Variants in ADAMTS16 observed in about 807,000 individuals in gnomAD.
ADAMTS16 encodes A disintegrin and metalloproteinase with thrombospondin motifs 16.
ADAMTS16 carries 94 observed loss-of-function variants against 145.8 expected under a neutral mutation model. The ratio of observed to expected loss-of-function variants is 0.64; its 90% CI spans 0.55 to 0.77. The LOEUF (loss-of-function observed/expected upper bound fraction) is 0.77, where lower values mean the gene tolerates loss of function less well. Among genes scored for constraint, ADAMTS16 ranks in the 30% least tolerant of loss-of-function variants. The probability of loss-of-function intolerance (pLI) is 0.00; values close to 1 mark genes in which losing one functional copy is unlikely to be tolerated. For synonymous variants in ADAMTS16, 659 were observed against 604.3 expected (o/e 1.09, Z -1.33); for missense variants, 1,585 against 1,591.5 (o/e 1.00, Z 0.07).
chr5:5,149,416 T>C (rs904626372), intron 3 of ADAMTS16, among the ~76,000 whole-genome samples: 10 of 152,192 alleles, frequency 6.6e-5, no homozygotes, highest in Admixed American at 5.9e-4. Context: ...ATGATGACCA[T>C]GGCAATAGCA....
At chr5:5,153,978 G>A (rs1056502781) in intron 3 of ADAMTS16, among the ~76,000 whole-genome samples, 5 of 151,986 alleles carry the variant, frequency 3.3e-5, no homozygotes, top group Admixed American at 3.3e-4. Flanking sequence ...AATTGTACTG[G>A]GTTTTATTTC....
At chr5:5,270,218 T>A (rs1189408627) in intron 18 of ADAMTS16, among the ~76,000 whole-genome samples, 3 of 152,212 alleles carry the variant, frequency 2.0e-5, no homozygotes, top group African/African-American at 7.2e-5. Flanking sequence ...AGTAAATTTC[T>A]GTCTCACAGG....
intron 18 of ADAMTS16, among the ~76,000 whole-genome samples, chr5:5,283,084 A>C (rs1738981444): frequency 6.6e-6 from 1 of 152,122 alleles, no homozygotes; most frequent in Non-Finnish European, 1.5e-5. Flanking sequence ...AATACTGATA[A>C]TTTTGGCTTC....
At chr5:5,231,105 T>G (rs2913620) in intron 11 of ADAMTS16, among the ~76,000 whole-genome samples, 113,925 of 152,096 alleles carry the variant, frequency 0.75, 43,038 homozygotes, top group African/African-American at 0.85. Context: ...ACCTGTAGGA[T>G]GCTGTCCAAG....
At chr5:5,249,697 C>T (rs1737562742) in intron 17 of ADAMTS16, among the ~76,000 whole-genome samples, 1 of 152,198 alleles carries the variant, frequency 6.6e-6, no homozygotes, top group Non-Finnish European at 1.5e-5. Flanking sequence ...ACAATCAGTG[C>T]TCTTTTAGCA....
chr5:5,305,165 A>C (rs1163700008), intron 20 of ADAMTS16, among the ~76,000 whole-genome samples: 1 of 31,174 alleles, frequency 3.2e-5, no homozygotes, highest in African/African-American at 1.2e-4. Context: ...ACACACACAT[A>C]TCCCACACCA....
At chr5:5,235,748 T>A (rs978845017) in intron 13 of ADAMTS16, among the ~76,000 whole-genome samples, 4 of 152,202 alleles carry the variant, frequency 2.6e-5, no homozygotes, top group African/African-American at 9.7e-5. Context: ...TTAAAGTCAG[T>A]AGCTCAAGTG....
At chr5:5,249,461 C>T (rs1737555067) in intron 17 of ADAMTS16, among the ~76,000 whole-genome samples, 1 of 152,022 alleles carries the variant, frequency 6.6e-6, no homozygotes, top group African/African-American at 2.4e-5. Flanking sequence ...GGGGGTGACT[C>T]GTTTACTCAG....
chr5:5,260,756 T>A (rs1341436961), intron 17 of ADAMTS16, among the ~76,000 whole-genome samples: 1 of 152,210 alleles, frequency 6.6e-6, no homozygotes, highest in Non-Finnish European at 1.5e-5. Context: ...AGGGCCCCAC[T>A]CCTTTTGACT....
chr5:5,164,634 T>C (rs1734820693), intron 3 of ADAMTS16, among the ~76,000 whole-genome samples: 1 of 152,176 alleles, frequency 6.6e-6, no homozygotes. Context: ...CACCGTGTCC[T>C]GGTCACCCTC....
Position 5,318,297 on chromosome 5 carries a change from C to A in ADAMTS16, c.3559+16C>A. ...GAGAAGAAAGGTGAGTACATGGGGC[C>A]CCTCAGCATGACCTGGGCATGGGGC... On this transcript the variant is annotated intron_variant, in intron 22 of 22. Transcript: ENST00000274181. 7.0e-7 allele frequency: 1 copy of A among 1,422,894 alleles called. No homozygotes were observed. The highest frequency in any genetic ancestry group is 9.3e-7 in the Non-Finnish European group (1 of 1,075,120). 88.1% of individuals were successfully genotyped at this position (1,422,894 alleles called of 1,614,324 possible).
chr5:5,319,177 G>A lies in ADAMTS16; in HGVS notation c.*39G>A. 6.8e-7 allele frequency: 1 copy of A among 1,470,886 alleles called. No homozygotes were observed. The allele number at this position is 1,470,886 out of a possible 1,614,324, so 91.1% of individuals were successfully genotyped here. On this transcript the variant is annotated 3_prime_UTR_variant, in exon 23 of 23. Coordinates refer to ENST00000274181, the MANE Select transcript of ADAMTS16 (RefSeq NM_139056.4). ...TCCGTAGCAGAGAAAGTGCCTGCGT[G>A]GCACAGAAATTTCCCACAAATGAGC...
intron 11 of ADAMTS16, among the ~76,000 whole-genome samples, chr5:5,227,568 TC>T (rs1736806558): frequency 1.3e-5 from 2 of 151,666 alleles, no homozygotes; most frequent in Admixed American, 6.6e-5. Context: ...CACTTATATT[TC>T]CCCCAACCTC....
chr5:5,192,953 A>G (rs183098366), intron 8 of ADAMTS16, among the ~76,000 whole-genome samples: 4 of 152,340 alleles, frequency 2.6e-5, no homozygotes, highest in Non-Finnish European at 2.9e-5. Context: ...CTATGCTGCA[A>G]CAATACTTGA....
At chr5:5,224,376 G>A (rs1318132183) in intron 11 of ADAMTS16, among the ~76,000 whole-genome samples, 1 of 151,984 alleles carries the variant, frequency 6.6e-6, no homozygotes, top group Non-Finnish European at 1.5e-5. Context: ...TGCAACCTCC[G>A]CCTCCCAGGT....
At chr5:5,254,247 T>A (rs1335451698) in intron 17 of ADAMTS16, among the ~76,000 whole-genome samples, 5 of 152,190 alleles carry the variant, frequency 3.3e-5, no homozygotes, top group African/African-American at 1.2e-4. Flanking sequence ...AGTTATCAGA[T>A]CCATCTTAAC....
chr5:5,155,250 G>A (rs1366585829), intron 3 of ADAMTS16, among the ~76,000 whole-genome samples: 1 of 151,896 alleles, frequency 6.6e-6, no homozygotes, highest in Non-Finnish European at 1.5e-5. Context: ...GAACAGATAG[G>A]AAGTCTGTTA....
In ADAMTS16 at chr5:5,182,297, G is replaced by C; in HGVS notation, c.755G>C (p.Arg252Pro). Residue 252 changes from arginine (R) to proline (P), a missense_variant, in exon 4 of 23, where the codon CGC becomes CCC. Arg to Pro is a moderately radical substitution (Grantham distance 103). Coordinates refer to ENST00000274181, the MANE Select transcript of ADAMTS16 (RefSeq NM_139056.4). ...LPQKQHFCGRRKKYMPQPPKE... is the reference protein window; with the variant it reads ...LPQKQHFCGRPKKYMPQPPKE... ...CAAAAGCAGCATTTCTGTGGAAGAC[G>C]CAAGAAATGTATGTAAGGGCGAATC... is the stretch of plus-strand genomic sequence containing the variant. 6.2e-7 allele frequency: 1 copy of C among 1,611,674 alleles called. No individual in the cohort carries two copies.
At chr5:5,303,218 A>T in intron 18 of ADAMTS16, 50 bp from the exon 19 acceptor site, 1 of 1,479,060 alleles carries the variant, frequency 6.8e-7, no homozygotes, top group Non-Finnish European at 9.0e-7. Flanking sequence ...GGCCGCTTCT[A>T]TCAGAGTGAT....
Sources: allele counts gnomAD v4.1 joint callset (sites outside exome capture counted in the v4.1 genomes callset), GRCh38; gene constraint gnomAD v4.1.1; transcripts MANE v1.5; gene names NCBI Gene and HGNC (gene_info 2026-07-23, HGNC 2026-07-21).